MRAP: variants seen among roughly 807,000 people sequenced by gnomAD.
MRAP encodes melanocortin-2 receptor accessory protein.
MRAP carries 8 observed loss-of-function variants against 8.7 expected under a neutral mutation model. The observed-to-expected ratio is 0.92, with a 90% CI of 0.54 to 1.66. The LOEUF is 1.66. Ranked by LOEUF, MRAP falls within the 40% of genes most tolerant of loss-of-function variation. MRAP has a pLI of 0.00. For synonymous variants in MRAP, 95 were observed against 95.5 expected, an observed-to-expected ratio of 1.00 and a Z score of 0.03; for missense variants, 237 against 217.1, an observed-to-expected ratio of 1.09 and a Z score of -0.58.
At chr21:32,308,246 T>G (rs1355287262) in intron 2 of MRAP, among the ~76,000 whole-genome samples, 3 of 151,860 alleles carry the variant, frequency 2.0e-5, no homozygotes, top group African/African-American at 4.8e-5. Context: ...GGTGTGGTGG[T>G]GTATGCCTGT....
chr21:32,300,110 A>G (rs1601096975), intron 1 of MRAP, among the ~76,000 whole-genome samples: 1 of 152,344 alleles, frequency 6.6e-6, no homozygotes, highest in South Asian at 2.1e-4. Context: ...GTCAAACAGT[A>G]AATGCAGGGC....
intron 1 of MRAP, among the ~76,000 whole-genome samples, chr21:32,300,032 T>G (rs924006641): frequency 2.6e-5 from 4 of 152,202 alleles, no homozygotes; most frequent in African/African-American, 9.7e-5. Flanking sequence ...TGGAAACCCA[T>G]GCGCTACCTA....
intron 1 of MRAP, among the ~76,000 whole-genome samples, chr21:32,301,117 T>C (rs753287854): frequency 6.6e-6 from 1 of 152,000 alleles, no homozygotes; most frequent in Non-Finnish European, 1.5e-5. Flanking sequence ...TCATATGATA[T>C]ATGATGGCTA....
At chr21:32,308,892 T>C (rs2032482303) in intron 2 of MRAP, among the ~76,000 whole-genome samples, 1 of 152,100 alleles carries the variant, frequency 6.6e-6, no homozygotes, top group South Asian at 2.1e-4. Flanking sequence ...ACCCTAAGCG[T>C]AGGAAGCTGG....
chr21:32,304,247 G>C lies in MRAP; in HGVS notation c.107-2393G>C, dbSNP rs79124787. Among the ~76,000 whole-genome samples, 1,075 of 152,270 alleles carry C rather than the reference G, an allele frequency of 7.1e-3. 14 individuals carry two copies. The highest frequency in any genetic ancestry group is 0.025 in the African/African-American group (1,043 of 41,540). On this transcript the variant is annotated intron_variant, in intron 1 of 2. Coordinates refer to ENST00000303645, the MANE Select transcript of MRAP (RefSeq NM_001379228.1). ...TACTGTAAGGGTTGTAAAATAGATT[G>C]TAACTCTTCGGGAGTGTAGGACAAT... is the stretch of plus-strand genomic sequence containing the variant.
intron 2 of MRAP, 40 bp downstream of exon 2, chr21:32,306,779 G>A (rs760677252): frequency 4.1e-6 from 6 of 1,465,808 alleles, no homozygotes; most frequent in Admixed American, 1.7e-5. Context: ...TCACTCAGAC[G>A]CTCTCCAGTG....
upstream of MRAP, among the ~76,000 whole-genome samples, chr21:32,295,153 A>G (rs1395533715): frequency 6.6e-6 from 1 of 152,032 alleles, no homozygotes; most frequent in Non-Finnish European, 1.5e-5. Context: ...TAAGGGGCAT[A>G]AGACAGGAAA....
At chr21:32,307,732 G>A (rs893129150) in intron 2 of MRAP, among the ~76,000 whole-genome samples, 1 of 151,848 alleles carries the variant, frequency 6.6e-6, no homozygotes, top group Non-Finnish European at 1.5e-5. Context: ...AAGTTAGCTG[G>A]GCATGGTAGT....
chr21:32,312,234 C>T lies in MRAP; in HGVS notation c.*238C>T, dbSNP rs2032600541. ...GCACACCTAGCCTGCTTGCTTACTGCTTATATTTGCTCAGGGAAGAGTAGG... is the reference window on the plus strand; with the variant it reads ...GCACACCTAGCCTGCTTGCTTACTGTTTATATTTGCTCAGGGAAGAGTAGG... On this transcript the variant is annotated 3_prime_UTR_variant, in exon 3 of 3. Transcript: ENST00000303645. The T allele has an allele frequency of 7.0e-7, 1 of 1,433,368 alleles. No individual in the cohort carries two copies. Among genetic ancestry groups the T allele is most frequent in the Non-Finnish European group, 9.1e-7 (1 of 1,096,844 alleles). 88.8% of individuals were successfully genotyped at this position (1,433,368 alleles called of 1,614,324 possible).
downstream of MRAP, chr21:32,312,406 T>C: frequency 1.0e-6 from 1 of 979,136 alleles, no homozygotes; most frequent in Non-Finnish European, 1.3e-6. Flanking sequence ...TAAGTTCCCA[T>C]CCAAGCTCCA....
rs147488743 is a variant in MRAP at position 32,307,745 on chromosome 21, G to A, written c.206+1006G>A. ...AAAAGTTAGCTGGGCATGGTAGTGCGCACCTGTAGTCCCGGCTACTCAGGA... is the reference window on the plus strand; with the variant it reads ...AAAAGTTAGCTGGGCATGGTAGTGCACACCTGTAGTCCCGGCTACTCAGGA... On this transcript the variant is annotated intron_variant, in intron 2 of 2. Transcript: ENST00000303645. Among the ~76,000 whole-genome samples, 206 of 152,006 alleles carry A rather than the reference G, an allele frequency of 1.4e-3. 2 individuals are homozygous for A. The highest frequency in any genetic ancestry group is 4.6e-3 in the African/African-American group (189 of 41,464).
At chr21:32,291,919 T>A (rs982860582) in intron 1 of MRAP, 1 of 151,782 alleles carries the variant, frequency 6.6e-6, no homozygotes, top group African/African-American at 2.4e-5. Context: ...AAAAAAAAGG[T>A]TTATTAGAAA....
rs2032595986 is a variant in MRAP, at chr21:32,312,100, G to A, written c.*104G>A. 2 of 1,581,368 alleles carry A rather than the reference G, an allele frequency of 1.3e-6. No individual in the cohort carries two copies. The highest frequency in any genetic ancestry group is 8.5e-7 in the Non-Finnish European group (1 of 1,170,456). ...AGAGGCCATTTGCATGTAGCAGAAA[G>A]GGCACCTAGGTCAAGTGCAACTAGA... is the stretch of plus-strand genomic sequence containing the variant. On this transcript the variant is annotated 3_prime_UTR_variant, in exon 3 of 3. Coordinates refer to ENST00000303645, the MANE Select transcript of MRAP (RefSeq NM_001379228.1).
At chr21:32,310,805 C>A (rs1464873464) in intron 2 of MRAP, among the ~76,000 whole-genome samples, 1 of 152,044 alleles carries the variant, frequency 6.6e-6, no homozygotes, top group Non-Finnish European at 1.5e-5. Flanking sequence ...CACCACCACA[C>A]CCAGCTAATT....
chr21:32,300,898 C>T (rs761482288), intron 1 of MRAP, among the ~76,000 whole-genome samples: 8 of 150,460 alleles, frequency 5.3e-5, no homozygotes, highest in Non-Finnish European at 7.4e-5. Flanking sequence ...CATCCTATGT[C>T]GGGGCGTCAT....
At chr21:32,309,772 G>C (rs1394711203) in intron 2 of MRAP, among the ~76,000 whole-genome samples, 1 of 149,776 alleles carries the variant, frequency 6.7e-6, no homozygotes, top group Non-Finnish European at 1.5e-5. Context: ...GCGAAACCCT[G>C]TCTCTATTAA....
chr21:32,300,996 TATG>T (rs553583899), intron 1 of MRAP, among the ~76,000 whole-genome samples: 134 of 142,158 alleles, frequency 9.4e-4, no homozygotes, highest in African/African-American at 1.5e-3. Context: ...TATCATGATA[TATG>T]ATATGATGAT....
intron 2 of MRAP, 45 bp from the exon 3 acceptor site, chr21:32,311,639 C>G: frequency 6.2e-7 from 1 of 1,604,348 alleles, no homozygotes. Flanking sequence ...ATGGACTGTT[C>G]TGCAGCAACT....
At chr21:32,301,939 A>T (rs529027184) in intron 1 of MRAP, among the ~76,000 whole-genome samples, 1 of 152,364 alleles carries the variant, frequency 6.6e-6, no homozygotes, top group East Asian at 1.9e-4. Flanking sequence ...ACGACTACAT[A>T]AAACTCTTTT....
Sources: gnomAD v4.1 joint callset for allele counts (sites outside exome capture counted in the v4.1 genomes callset) on GRCh38, gnomAD v4.1.1 for gene constraint, MANE v1.5 for transcripts, NCBI Gene and HGNC (gene_info 2026-07-23, HGNC 2026-07-21) for gene names.